NCAPG2: variants seen among roughly 807,000 people sequenced by gnomAD.
NCAPG2 encodes the protein non-SMC condensin II complex subunit G2.
A neutral mutation model predicts 141.1 loss-of-function variants in NCAPG2; 53 were observed. That is an observed-to-expected ratio of 0.38 (90% CI 0.30 to 0.47). NCAPG2 has a LOEUF of 0.47. Among genes scored for constraint, NCAPG2 ranks in the 20% least tolerant of loss-of-function variants. The pLI is 0.99. For synonymous variants in NCAPG2, 499 were observed against 490.7 expected, an observed-to-expected ratio of 1.02 and a Z score of -0.22; for missense variants, 1,087 against 1,389.0, an observed-to-expected ratio of 0.78 and a Z score of 3.46.
chr7:158,650,233 G>A (rs1279822127), intron 24 of NCAPG2, among the ~76,000 whole-genome samples: 2 of 152,132 alleles, frequency 1.3e-5, no homozygotes, highest in Non-Finnish European at 2.9e-5. Context: ...CTTTAGTAGA[G>A]ACAGAGTTTC....
chr7:158,634,464 G>T (rs557431700), intron 27 of NCAPG2, among the ~76,000 whole-genome samples: 4 of 152,094 alleles, frequency 2.6e-5, no homozygotes, highest in Non-Finnish European at 5.9e-5. Flanking sequence ...TTCAGTACAG[G>T]CACAACCATC....
rs764943506 is a variant in NCAPG2, at chr7:158,658,330, G to A, written c.2060+8C>T. On this transcript the variant is annotated splice_region_variant and intron_variant, in intron 17 of 27. Coordinates refer to ENST00000356309, the MANE Select transcript of NCAPG2 (RefSeq NM_017760.7). ...CTTTTCTACCGTACCAAAAAACAGA[G>A]CAAATACCTGAATGGGGGGACAGCA... 54 of 1,605,406 alleles carry A rather than the reference G, an allele frequency of 3.4e-5. 1 individual carries two copies. The South Asian group carries it at 5.8e-4, about 17-fold the overall frequency.
intron 15 of NCAPG2, 33 bp from the exon 16 acceptor site, chr7:158,662,400 C>A (rs746496852): frequency 2.7e-6 from 4 of 1,494,800 alleles, no homozygotes; most frequent in Non-Finnish European, 3.6e-6. Context: ...GTGAAAGGAT[C>A]TAATCATAGC....
chr7:158,634,174 A>C (rs1031916385), intron 27 of NCAPG2, among the ~76,000 whole-genome samples: 9 of 138,144 alleles, frequency 6.5e-5, no homozygotes, highest in Non-Finnish European at 9.4e-5. Context: ...GTGTTCCAGG[A>C]CCCCCCAGAT....
In NCAPG2 at chr7:158,642,016, G is replaced by A. The variant is rs11980933; in HGVS notation, c.3380+2273C>T. 4.7e-3 allele frequency among the ~76,000 whole-genome samples: 719 copies of A among 152,054 alleles called. 6 individuals carry two copies. The highest frequency in any genetic ancestry group is 0.016 in the African/African-American group (662 of 41,488). ...TCTGAGCCATAAGACACACCTTCAC[G>A]AATTTAAAAGAACAGAAACAATACA... On this transcript the variant is annotated intron_variant, in intron 27 of 27. Transcript: ENST00000356309.
At chr7:158,672,284 GTGTGTGTGTA>G (rs1320659299) in intron 12 of NCAPG2, among the ~76,000 whole-genome samples, 1 of 70,728 alleles carries the variant, frequency 1.4e-5, no homozygotes. Flanking sequence ...ACACATGTGT[GTGTGTGTGTA>G]TATATATATA....
At chr7:158,699,890 G>T (rs10238343) in intron 2 of NCAPG2, among the ~76,000 whole-genome samples, 130,495 of 152,150 alleles carry the variant, frequency 0.86, 56,211 homozygotes, top group South Asian at 0.92. Flanking sequence ...TTTTAGTGTT[G>T]TCCCTCTAAC....
At chr7:158,660,166 T>A (rs1273105089) in intron 16 of NCAPG2, among the ~76,000 whole-genome samples, 1 of 152,004 alleles carries the variant, frequency 6.6e-6, no homozygotes, top group African/African-American at 2.4e-5. Flanking sequence ...CAATTCCATC[T>A]GTGTGGCTCA....
intron 2 of NCAPG2, among the ~76,000 whole-genome samples, chr7:158,694,478 C>T (rs1030440506): frequency 1.3e-5 from 2 of 152,162 alleles, no homozygotes; most frequent in African/African-American, 2.4e-5. Context: ...AGAGACCTGG[C>T]GGACACCTAC....
chr7:158,643,236 T>C (rs1201906848), intron 27 of NCAPG2, among the ~76,000 whole-genome samples: 3 of 151,990 alleles, frequency 2.0e-5, no homozygotes, highest in African/African-American at 7.3e-5. Flanking sequence ...AGTGCTGGGA[T>C]TACAGGCCTA....
At chr7:158,637,447 GC>G (rs1000721204) in intron 27 of NCAPG2, among the ~76,000 whole-genome samples, 1 of 6,360 alleles carries the variant, frequency 1.6e-4, no homozygotes, top group Non-Finnish European at 3.0e-4. Context: ...TTTCCGTAAG[GC>G]CCCCCTTTCT....
Position 158,671,635 on chromosome 7 carries a change from C to G in NCAPG2, c.1358G>C (p.Ser453Thr), listed in dbSNP as rs1434411807. Residue 453 changes from serine to threonine, a missense_variant, in exon 13 of 28, where the codon AGC (serine) becomes ACC (threonine). Transcript: ENST00000356309. ...AAGGAGCTGCTCTAACAATGGGTGG[C>G]TCAGTTTGTTGTCCAAAATCATTGG... ...CLPMILDNKL[S>T]HPLLEQLLPA... 1 of 1,614,156 alleles carries G rather than the reference C, an allele frequency of 6.2e-7. No individual in the cohort carries two copies. Among genetic ancestry groups the G allele is most frequent in the South Asian group, 1.1e-5 (1 of 91,084 alleles).
At chr7:158,662,655 A>G (rs996734082) in intron 15 of NCAPG2, among the ~76,000 whole-genome samples, 3 of 152,238 alleles carry the variant, frequency 2.0e-5, no homozygotes, top group Non-Finnish European at 2.9e-5. Flanking sequence ...CTGGGAACAT[A>G]ACACCCTATT....
chr7:158,655,430 G>C lies in NCAPG2; in HGVS notation c.2414C>G (p.Thr805Arg). The change falls in exon 20 of 28, where the codon ACA becomes AGA. Residue 805 changes from threonine (T) to arginine (R), a missense_variant. Transcript: ENST00000356309. ...GAAGCCACGAGGCTTCCCACCCGGTGTCTGCAGAAGTGACTCCAGATCTGC... is the reference window on the plus strand; with the variant it reads ...GAAGCCACGAGGCTTCCCACCCGGTCTCTGCAGAAGTGACTCCAGATCTGC... ...SKADLESLLQ[T>R]PGGKPRGFSE... The C allele has an allele frequency of 6.2e-7, 1 of 1,614,084 alleles. No individual in the cohort carries two copies. Among genetic ancestry groups the C allele is most frequent in the Non-Finnish European group, 8.5e-7 (1 of 1,180,034 alleles).
intron 26 of NCAPG2, 50 bp from the exon 27 acceptor site, chr7:158,644,438 A>G: frequency 6.8e-7 from 1 of 1,461,888 alleles, no homozygotes. Flanking sequence ...TCACTACACA[A>G]AGACAAACAC....
chr7:158,654,480 G>A (rs1831748860), intron 22 of NCAPG2, 115 bp downstream of exon 22: 3 of 1,041,896 alleles, frequency 2.9e-6, no homozygotes, highest in South Asian at 2.0e-5. Flanking sequence ...GGATATGCCA[G>A]GTTGCATTAT....
chr7:158,702,164 C>T, intron 1 of NCAPG2: 1 of 338,880 alleles, frequency 3.0e-6, no homozygotes, highest in Non-Finnish European at 5.3e-6. Flanking sequence ...ATTTTATCAA[C>T]AATTGTTAAT....
rs1456901420 is a variant in NCAPG2, at chr7:158,669,520, T to A, written c.1479+1994A>T. Among the ~76,000 whole-genome samples, 3 of 152,004 alleles carry A rather than the reference T, an allele frequency of 2.0e-5. No individual in the cohort carries two copies. In the East Asian group the frequency reaches 5.8e-4, roughly 29 times the overall value. ...GCTCACGCCCATAATCCCAGCACTT[T>A]GGGAGGCCAAAACAGGTGGATCCCC... On this transcript the variant is annotated intron_variant, in intron 13 of 27. Coordinates refer to ENST00000356309, the MANE Select transcript of NCAPG2 (RefSeq NM_017760.7).
chr7:158,669,032 T>C (rs1431732136), intron 13 of NCAPG2, among the ~76,000 whole-genome samples: 3 of 152,252 alleles, frequency 2.0e-5, no homozygotes, highest in Non-Finnish European at 4.4e-5. Flanking sequence ...TTTTGTTTTC[T>C]GTTCCTGCGT....
Sources: gnomAD v4.1 joint callset for allele counts (sites outside exome capture counted in the v4.1 genomes callset) on GRCh38, gnomAD v4.1.1 for gene constraint, MANE v1.5 for transcripts, NCBI Gene and HGNC (gene_info 2026-07-23, HGNC 2026-07-21) for gene names.